Variants in CAPRIN1 observed in about 807,000 individuals in gnomAD.
CAPRIN1 encodes cell cycle associated protein 1.
In CAPRIN1, 29 loss-of-function variants were observed where a neutral mutation model predicts 100.9. The observed-to-expected ratio is 0.29, with a 90% CI of 0.21 to 0.39. CAPRIN1 has a LOEUF of 0.39. CAPRIN1 is among the 10% of genes least tolerant of loss of function. CAPRIN1 has a pLI of 1.00. For synonymous variants in CAPRIN1, 338 were observed against 307.5 expected, an observed-to-expected ratio of 1.10 and a Z score of -1.04; for missense variants, 795 against 876.7, an observed-to-expected ratio of 0.91 and a Z score of 1.18.
chr11:34,069,416 GGGATTACA>G (rs997597569), intron 2 of CAPRIN1, among the ~76,000 whole-genome samples: 1 of 151,944 alleles, frequency 6.6e-6, no homozygotes, highest in African/African-American at 2.4e-5. Flanking sequence ...CCAAAATGCT[GGGATTACA>G]GGTGTGAGCC....
chr11:34,081,543 G>T (rs1404295188), intron 7 of CAPRIN1, among the ~76,000 whole-genome samples: 4 of 151,552 alleles, frequency 2.6e-5, no homozygotes, highest in Non-Finnish European at 5.9e-5. Context: ...GCCCACGCTG[G>T]AGTGTAGTCG....
rs190866270 is a variant in CAPRIN1, at chr11:34,053,272, C to T, written c.216+636C>T. On this transcript the variant is annotated intron_variant, in intron 2 of 18. Coordinates refer to ENST00000341394, the MANE Select transcript of CAPRIN1 (RefSeq NM_005898.5). ...CATGCGATGGGCTCCCCTGCGTTTC[C>T]CTCTTTGTTTCAATTGTTTAGGTGT... The T allele has an allele frequency of 2.0e-3, 900 of 448,222 alleles. 2 individuals are homozygous for T. Among genetic ancestry groups the T allele is most frequent in the Non-Finnish European group, 2.5e-3 (836 of 338,902 alleles). 27.8% of individuals were successfully genotyped at this position (448,222 alleles called of 1,614,324 possible).
chr11:34,052,764 CT>C (rs1850353666), intron 2 of CAPRIN1, 128 bp downstream of exon 2: 1 of 1,412,944 alleles, frequency 7.1e-7, no homozygotes. Flanking sequence ...CTCCCACCCC[CT>C]GGCCCACACG....
rs541149412 is a variant in CAPRIN1, at chr11:34,055,537, G to C, written c.216+2901G>C. ...GAGACAGGTTTTACCTTGTTGGTCAGGTTGGTCTAGAACTCCTGACCTCAG... is the reference window on the plus strand; with the variant it reads ...GAGACAGGTTTTACCTTGTTGGTCACGTTGGTCTAGAACTCCTGACCTCAG... On this transcript the variant is annotated intron_variant, in intron 2 of 18. Coordinates refer to ENST00000341394, the MANE Select transcript of CAPRIN1 (RefSeq NM_005898.5). 2.0e-5 allele frequency: 3 copies of C among 152,314 alleles called. No individual in the cohort carries two copies. The East Asian group carries it at 5.8e-4, about 29-fold the overall frequency. 9.4% of individuals were successfully genotyped at this position (152,314 alleles called of 1,614,324 possible).
chr11:34,058,352 G>T (rs771214693), intron 2 of CAPRIN1, among the ~76,000 whole-genome samples: 6 of 152,084 alleles, frequency 3.9e-5, no homozygotes, highest in African/African-American at 1.2e-4. Flanking sequence ...GACCAGGCTG[G>T]TCTCAAACTC....
At chr11:34,091,810 T>TG (rs1381187187) in intron 14 of CAPRIN1, 96 bp from the exon 15 acceptor site, 2 of 1,123,470 alleles carry the variant, frequency 1.8e-6, no homozygotes, top group Non-Finnish European at 2.6e-6. Flanking sequence ...TGTGATGTCT[T>TG]TATTTATGTC....
At chr11:34,060,495 G>C (rs1484551853) in intron 2 of CAPRIN1, among the ~76,000 whole-genome samples, 1 of 152,112 alleles carries the variant, frequency 6.6e-6, no homozygotes, top group Non-Finnish European at 1.5e-5. Flanking sequence ...TTGACCCACT[G>C]TGCCTGGCCC....
intron 15 of CAPRIN1, 196 bp from the exon 16 acceptor site, chr11:34,096,283 C>T (rs1038280736): frequency 9.0e-6 from 4 of 444,670 alleles, no homozygotes; most frequent in Non-Finnish European, 1.6e-5. Context: ...AGAATTTTAC[C>T]CCCAATAGCT....
At chr11:34,053,068 A>G in intron 2 of CAPRIN1, 2 of 1,026,842 alleles carry the variant, frequency 1.9e-6, no homozygotes, top group Non-Finnish European at 2.3e-6. Context: ...CGCCTCGTGG[A>G]GTTGGGGCGG....
chr11:34,098,902 G>A lies in CAPRIN1; in HGVS notation c.2066-401G>A, dbSNP rs895224455. On this transcript the variant is annotated intron_variant, in intron 18 of 18. Coordinates refer to ENST00000341394, the MANE Select transcript of CAPRIN1 (RefSeq NM_005898.5). ...CTTTTATTAATTTTGATAGTATGAT[G>A]TTACTTACTACTGAAATGTAAGCTA... 7 of 1,006,224 alleles carry A rather than the reference G, an allele frequency of 7.0e-6. No individual in the cohort carries two copies. In the African/African-American group the frequency reaches 1.2e-4, roughly 17 times the overall value. 62.3% of individuals were successfully genotyped at this position (1,006,224 alleles called of 1,614,324 possible). A position where few individuals can be genotyped will look rare whatever the true frequency, so the allele number is the denominator to read the frequency against.
chr11:34,077,872 A>G (rs915460405), intron 6 of CAPRIN1, among the ~76,000 whole-genome samples: 1 of 152,156 alleles, frequency 6.6e-6, no homozygotes, highest in Non-Finnish European at 1.5e-5. Context: ...TCTTTGTACA[A>G]TATGTGTTTA....
chr11:34,057,156 T>A (rs1055598963), intron 2 of CAPRIN1, among the ~76,000 whole-genome samples: 1 of 152,244 alleles, frequency 6.6e-6, no homozygotes, highest in African/African-American at 2.4e-5. Flanking sequence ...AAGCCTTCTT[T>A]GACATTTAAG....
intron 15 of CAPRIN1, among the ~76,000 whole-genome samples, chr11:34,094,706 A>C (rs2134136515): frequency 6.6e-6 from 1 of 152,296 alleles, no homozygotes; most frequent in East Asian, 1.9e-4. Flanking sequence ...CTAAGGCCGG[A>C]GGATCACTTG....
intron 11 of CAPRIN1, among the ~76,000 whole-genome samples, chr11:34,088,622 A>T (rs752518336): frequency 1.2e-4 from 19 of 152,176 alleles, no homozygotes; most frequent in Admixed American, 5.2e-4. Context: ...ACAGTTAGCT[A>T]TGATGGCGCC....
rs542905706 is a variant in CAPRIN1, at chr11:34,090,938, A to G, written c.1554+260A>G. On this transcript the variant is annotated intron_variant, in intron 14 of 18. Coordinates refer to ENST00000341394, the MANE Select transcript of CAPRIN1 (RefSeq NM_005898.5). ...GTTTTACCCTTTTGATTTGATTAAC[A>G]AAAGCTTAAACATTCAGAGAAATAG... Among the ~76,000 whole-genome samples, 17 of 152,328 alleles carry G rather than the reference A, an allele frequency of 1.1e-4. No homozygotes were observed. The South Asian group carries it at 3.1e-3, about 28-fold the overall frequency.
At chr11:34,092,315 T>G (rs900658510) in intron 15 of CAPRIN1, among the ~76,000 whole-genome samples, 5 of 152,180 alleles carry the variant, frequency 3.3e-5, no homozygotes, top group African/African-American at 1.2e-4. Context: ...ATTGTATAAT[T>G]TATATGGAAT....
chr11:34,052,744 A>T, intron 2 of CAPRIN1, 108 bp downstream of exon 2: 1 of 1,423,738 alleles, frequency 7.0e-7, no homozygotes, highest in Non-Finnish European at 9.5e-7. Context: ...GAGCGTTACT[A>T]GGTCCCCTCC....
At chr11:34,052,369 G>T in intron 1 of CAPRIN1, 52 bp from the exon 2 acceptor site, 1 of 1,458,444 alleles carries the variant, frequency 6.9e-7, no homozygotes, top group Middle Eastern at 2.4e-4. Context: ...CTCCTGACTG[G>T]CCGCTCTTGT....
At chr11:34,090,359 C>A in intron 13 of CAPRIN1, 70 bp downstream of exon 13, 1 of 1,232,644 alleles carries the variant, frequency 8.1e-7, no homozygotes, top group Non-Finnish European at 1.2e-6. Context: ...ATGTACATTA[C>A]CATTAATATA....
Sources: allele counts gnomAD v4.1 joint callset (sites outside exome capture counted in the v4.1 genomes callset), GRCh38; gene constraint gnomAD v4.1.1; transcripts MANE v1.5; gene names NCBI Gene and HGNC (gene_info 2026-07-23, HGNC 2026-07-21).